The following TSHR variants were observed in gnomAD, a reference collection of about 807,000 sequenced individuals.
The protein encoded by TSHR is thyrotropin receptor.
A neutral mutation model predicts 64.1 loss-of-function variants in TSHR; 51 were observed. The observed-to-expected ratio is 0.80, with a 90% confidence interval of 0.64 to 1.01. The LOEUF is 1.01. Ranked by LOEUF, TSHR falls within the 50% of genes least tolerant of loss-of-function variation. The pLI, the probability that TSHR is intolerant of heterozygous loss-of-function variation, is 0.00. For missense variants in TSHR, 877 were observed against 942.8 expected (o/e 0.93, Z 0.91); for synonymous variants, 361 against 361.9 (o/e 1.00, Z 0.03).
intron 1 of TSHR, among the ~76,000 whole-genome samples, chr14:81,046,519 A>C (rs1356051524): frequency 6.6e-6 from 1 of 152,028 alleles, no homozygotes; most frequent in Non-Finnish European, 1.5e-5. Context: ...ATAAAAAAAA[A>C]ACAAAAAAAT....
intron 1 of TSHR, among the ~76,000 whole-genome samples, chr14:80,987,406 T>C (rs1006439478): frequency 6.6e-6 from 1 of 152,240 alleles, no homozygotes; most frequent in Non-Finnish European, 1.5e-5. Context: ...CTTGTTTCTA[T>C]ACTTCAACGC....
chr14:81,042,066 A>T (rs189556643), intron 1 of TSHR, among the ~76,000 whole-genome samples: 30 of 152,306 alleles, frequency 2.0e-4, no homozygotes, highest in Non-Finnish European at 3.2e-4. Flanking sequence ...CAATCATCAG[A>T]GGAATATAAA....
intron 1 of TSHR, among the ~76,000 whole-genome samples, chr14:80,970,379 A>C (rs554914925): frequency 1.4e-4 from 21 of 152,350 alleles, no homozygotes; most frequent in Non-Finnish European, 2.9e-4. Context: ...GTAGTCACAG[A>C]GTCACTTAGT....
intron 1 of TSHR, among the ~76,000 whole-genome samples, chr14:80,990,885 CCT>C (rs1433532013): frequency 6.6e-6 from 1 of 152,120 alleles, no homozygotes; most frequent in Non-Finnish European, 1.5e-5. Flanking sequence ...GAACTCCTGA[CCT>C]CAGGTGATCC....
intron 1 of TSHR, chr14:81,052,061 A>G (rs542378625): frequency 6.6e-6 from 1 of 152,118 alleles, no homozygotes; most frequent in East Asian, 1.9e-4. Context: ...TGCAATCCCA[A>G]TTGTCTAATT....
intron 3 of TSHR, among the ~76,000 whole-genome samples, chr14:81,084,883 CACTT>C (rs1888172371): frequency 2.0e-5 from 3 of 152,194 alleles, no homozygotes; most frequent in Admixed American, 2.0e-4. Context: ...CTTTTGTACT[CACTT>C]CTGCCCTTCC....
chr14:81,053,154 G>A (rs977808321), intron 1 of TSHR: 1 of 152,162 alleles, frequency 6.6e-6, no homozygotes, highest in African/African-American at 2.4e-5. Context: ...AACCAGGAGA[G>A]CCTGTGGTGT....
intron 1 of TSHR, chr14:81,033,438 CT>C (rs1884453624): frequency 5.8e-6 from 1 of 172,756 alleles, no homozygotes; most frequent in African/African-American, 2.4e-5. Flanking sequence ...ATGTTTTGCA[CT>C]TTCCTTTCAG....
chr14:81,102,269 C>G (rs1168097659), intron 7 of TSHR, among the ~76,000 whole-genome samples: 1 of 152,082 alleles, frequency 6.6e-6, no homozygotes. Flanking sequence ...TTCACACCAG[C>G]TTTCTCCTCA....
intron 1 of TSHR, among the ~76,000 whole-genome samples, chr14:80,964,343 T>C (rs1887187033): frequency 6.6e-6 from 1 of 152,236 alleles, no homozygotes; most frequent in Non-Finnish European, 1.5e-5. Flanking sequence ...TCTATTCTCT[T>C]AGATCACCTC....
intron 1 of TSHR, among the ~76,000 whole-genome samples, chr14:80,978,978 G>A (rs1394850669): frequency 6.6e-6 from 1 of 152,162 alleles, no homozygotes; most frequent in African/African-American, 2.4e-5. Flanking sequence ...TCTTTTCTGA[G>A]CACTAAACTT....
chr14:81,039,431 A>C (rs1245732881), intron 1 of TSHR, among the ~76,000 whole-genome samples: 1 of 152,050 alleles, frequency 6.6e-6, no homozygotes, highest in Non-Finnish European at 1.5e-5. Flanking sequence ...ATCTGGAACA[A>C]GACAAGCATG....
chr14:81,095,030 C>T (rs1201097120), intron 6 of TSHR, among the ~76,000 whole-genome samples: 1 of 152,074 alleles, frequency 6.6e-6, no homozygotes, highest in Non-Finnish European at 1.5e-5. Context: ...TTTGAACTTT[C>T]CTGTGTGCTT....
intron 8 of TSHR, among the ~76,000 whole-genome samples, chr14:81,120,130 G>A (rs1270170142): frequency 6.7e-6 from 1 of 149,250 alleles, no homozygotes; most frequent in Non-Finnish European, 1.5e-5. Context: ...GTATACATAT[G>A]TAACTAACCT....
rs138733239 is a variant in TSHR, at chr14:81,130,210, C to T, written c.693-9469C>T. On this transcript the variant is annotated intron_variant, in intron 8 of 9. Coordinates refer to ENST00000298171, the MANE Select transcript of TSHR (RefSeq NM_000369.5). ...TAAAATATCCCTTCCTTCAAATCTA[C>T]TTCCACCTACTGCCCTATTTATCTG... Among the ~76,000 whole-genome samples the T allele has an allele frequency of 2.7e-3, 418 of 152,300 alleles. 2 individuals are homozygous for T. Among genetic ancestry groups the T allele is most frequent in the Non-Finnish European group, 4.3e-3 (292 of 68,020 alleles).
intron 1 of TSHR, among the ~76,000 whole-genome samples, chr14:80,988,330 A>G (rs922681151): frequency 6.6e-6 from 1 of 152,184 alleles, no homozygotes; most frequent in African/African-American, 2.4e-5. Context: ...AAGCCTCAGG[A>G]AACTTACAAT....
At chr14:81,108,793 T>C in intron 8 of TSHR, 1 of 1,575,974 alleles carries the variant, frequency 6.3e-7, no homozygotes. Context: ...TGGAAGGCAC[T>C]CTAGTCTTTG....
At chr14:81,035,559 C>T (rs1424053507) in intron 1 of TSHR, among the ~76,000 whole-genome samples, 1 of 152,076 alleles carries the variant, frequency 6.6e-6, no homozygotes, top group Non-Finnish European at 1.5e-5. Flanking sequence ...TAGAACTTCC[C>T]CTCTGAATAA....
At chr14:81,002,781 C>CTTTTTTTTTTTTTTTTTTTTTTTT (rs1174635270) in intron 1 of TSHR, among the ~76,000 whole-genome samples, 6 of 44,326 alleles carry the variant, frequency 1.4e-4, no homozygotes, top group African/African-American at 2.0e-4. Flanking sequence ...CCTAATGCCT[C>CTTTTTTTTTTTTTTTTTTTTTTTT]TTTTTTTTTT....
Sources: allele counts gnomAD v4.1 joint callset (sites outside exome capture counted in the v4.1 genomes callset), GRCh38; gene constraint gnomAD v4.1.1; transcripts MANE v1.5; gene names NCBI Gene and HGNC (gene_info 2026-07-23, HGNC 2026-07-21).